Variants in GRM8 observed in about 807,000 individuals in gnomAD.
The protein encoded by GRM8 is metabotropic glutamate receptor 8.
GRM8 carries 47 observed loss-of-function variants against 87.2 expected under a neutral mutation model. The observed-to-expected ratio is 0.54, with a 90% CI of 0.43 to 0.69. The LOEUF is 0.69. Ranked by LOEUF, GRM8 falls within the 30% of genes least tolerant of loss-of-function variation. The pLI, the probability that GRM8 is intolerant of heterozygous loss-of-function variation, is 0.00. For missense variants in GRM8, 1,019 were observed against 1,139.2 expected (o/e 0.89, Z 1.52); for synonymous variants, 396 against 404.5 (o/e 0.98, Z 0.25).
intron 2 of GRM8, among the ~76,000 whole-genome samples, chr7:127,156,422 A>G (rs190719716): frequency 6.1e-4 from 93 of 152,284 alleles, no homozygotes; most frequent in Non-Finnish European, 1.1e-3. Context: ...CAAGTAGCAA[A>G]CTAAGTTGTA....
intron 7 of GRM8, among the ~76,000 whole-genome samples, chr7:126,760,565 C>CA (rs1381906057): frequency 6.6e-6 from 1 of 151,718 alleles, no homozygotes; most frequent in African/African-American, 2.4e-5. Context: ...TCATCAGAAA[C>CA]AAAAAAATTA....
intron 3 of GRM8, among the ~76,000 whole-genome samples, chr7:127,042,062 G>A (rs530514041): frequency 1.8e-4 from 28 of 152,310 alleles, no homozygotes; most frequent in African/African-American, 6.7e-4. Context: ...CTTGATTGTA[G>A]AAAGAGAGGT....
chr7:126,537,151 C>T (rs886238716), intron 8 of GRM8, among the ~76,000 whole-genome samples: 1 of 151,814 alleles, frequency 6.6e-6, no homozygotes, highest in African/African-American at 2.4e-5. Flanking sequence ...TGAAAAATAC[C>T]AGTTTTTTAA....
At chr7:126,612,617 T>C (rs902148171) in intron 7 of GRM8, among the ~76,000 whole-genome samples, 1 of 152,232 alleles carries the variant, frequency 6.6e-6, no homozygotes, top group Non-Finnish European at 1.5e-5. Context: ...CAGATACTTT[T>C]TTAGAGCCTA....
chr7:126,714,325 AATAG>A (rs1811484389), intron 7 of GRM8, among the ~76,000 whole-genome samples: 1 of 147,492 alleles, frequency 6.8e-6, no homozygotes, highest in South Asian at 2.1e-4. Flanking sequence ...AATAATAATA[AATAG>A]TATCTACCTA....
intron 3 of GRM8, among the ~76,000 whole-genome samples, chr7:126,932,309 G>A (rs1039530765): frequency 6.6e-6 from 1 of 152,106 alleles, no homozygotes; most frequent in Admixed American, 6.6e-5. Context: ...CAAAAGTAAG[G>A]AAGTTAAGAA....
intron 3 of GRM8, among the ~76,000 whole-genome samples, chr7:126,946,114 A>G (rs1024942758): frequency 6.6e-6 from 1 of 152,224 alleles, no homozygotes; most frequent in Admixed American, 6.5e-5. Context: ...TACAAATGAA[A>G]TGTTGATGTG....
At chr7:127,247,512 T>C (rs1397547359) in intron 1 of GRM8, among the ~76,000 whole-genome samples, 1 of 152,198 alleles carries the variant, frequency 6.6e-6, no homozygotes, top group Non-Finnish European at 1.5e-5. Flanking sequence ...GCAGCTCTTT[T>C]GGTTGTTTTG....
At chr7:127,149,622 T>C (rs1012196736) in intron 2 of GRM8, among the ~76,000 whole-genome samples, 1 of 152,106 alleles carries the variant, frequency 6.6e-6, no homozygotes, top group African/African-American at 2.4e-5. Flanking sequence ...CCATGTTCAT[T>C]GCAGCATTAT....
chr7:126,884,078 T>A (rs1444931725), intron 6 of GRM8, among the ~76,000 whole-genome samples: 1 of 152,124 alleles, frequency 6.6e-6, no homozygotes, highest in African/African-American at 2.4e-5. Flanking sequence ...GATTTTTTTC[T>A]ATTAGTTCCC....
At chr7:126,538,466 TAATAC>T (rs531822247) in intron 8 of GRM8, among the ~76,000 whole-genome samples, 124 of 152,224 alleles carry the variant, frequency 8.1e-4, no homozygotes, top group African/African-American at 2.9e-3. Flanking sequence ...CTAATATCTC[TAATAC>T]AATGTTTTTC....
At chr7:127,050,117 T>C (rs1043530933) in intron 3 of GRM8, among the ~76,000 whole-genome samples, 3 of 152,214 alleles carry the variant, frequency 2.0e-5, no homozygotes, top group Non-Finnish European at 2.9e-5. Flanking sequence ...GTCTGGCCAC[T>C]ATGTGAAGAA....
At chr7:126,805,203 C>T (rs143945651) in intron 6 of GRM8, among the ~76,000 whole-genome samples, 296 of 152,180 alleles carry the variant, frequency 1.9e-3, no homozygotes, top group Admixed American at 3.5e-3. Context: ...TTTTTTGTCT[C>T]CACTCTGCTT....
At chr7:126,581,927 C>T (rs1795651478) in intron 8 of GRM8, among the ~76,000 whole-genome samples, 1 of 152,036 alleles carries the variant, frequency 6.6e-6, no homozygotes, top group Non-Finnish European at 1.5e-5. Flanking sequence ...CCCCTGTTCC[C>T]CCATCTCTAT....
At chr7:126,839,834 G>A (rs1796114288) in intron 6 of GRM8, among the ~76,000 whole-genome samples, 1 of 152,140 alleles carries the variant, frequency 6.6e-6, no homozygotes, top group African/African-American at 2.4e-5. Context: ...GCTCAAGAGT[G>A]CTTAATTGAA....
chr7:126,612,381 C>T (rs12533174), intron 7 of GRM8, among the ~76,000 whole-genome samples: 46,782 of 151,942 alleles, frequency 0.31, 8,075 homozygotes, highest in East Asian at 0.43. Context: ...TCTGTCTTTG[C>T]TCAGGCTATT....
chr7:126,533,801 T>G lies in GRM8; in HGVS notation c.1581A>C (p.Lys527Asn). 6.2e-7 allele frequency: 1 copy of G among 1,614,036 alleles called. No homozygotes were observed. The highest frequency in any genetic ancestry group is 2.2e-5 in the East Asian group (1 of 44,842). ...SLPCKPGERK[K>N]TVKGVPCCWH... ...AGCAGCAAGGGACCCCTTTCACCGT[T>G]TTCTTCCTCTCCCCTGGCTTACACG... Residue 527 changes from lysine to asparagine, a missense_variant, in exon 9 of 11, where the codon AAA (lysine) becomes AAC (asparagine). By Grantham distance (94) the Lys-to-Asn change is moderately conservative. Transcript: ENST00000339582.
chr7:126,934,008 G>A lies in GRM8; in HGVS notation c.728-29325C>T, dbSNP rs568023471. On this transcript the variant is annotated intron_variant, in intron 3 of 10. Transcript: ENST00000339582. ...TCTCCTTATTCCCCAGTTGCTAGGG[G>A]TAAGACATTGTTCCTTTTGTATGCC... Among the ~76,000 whole-genome samples, 5 of 152,256 alleles carry A rather than the reference G, an allele frequency of 3.3e-5. 1 individual carries two copies. In the South Asian group the frequency reaches 1.0e-3, roughly 32 times the overall value.
chr7:126,572,856 A>G (rs766696444), intron 8 of GRM8, among the ~76,000 whole-genome samples: 2 of 152,218 alleles, frequency 1.3e-5, no homozygotes, highest in African/African-American at 4.8e-5. Context: ...ACAGAGGTAC[A>G]GAAGTGACAT....
Sources: allele counts gnomAD v4.1 joint callset (sites outside exome capture counted in the v4.1 genomes callset), GRCh38; gene constraint gnomAD v4.1.1; transcripts MANE v1.5; gene names NCBI Gene and HGNC (gene_info 2026-07-23, HGNC 2026-07-21).